LRCH1: variants seen among roughly 807,000 people sequenced by gnomAD.
LRCH1 encodes the protein leucine rich repeats and calponin homology domain containing 1, also known as leucine-rich repeat and calponin homology domain-containing protein 1.
LRCH1 carries 23 observed loss-of-function variants against 94.9 expected under a neutral mutation model. The ratio of observed to expected loss-of-function variants is 0.24; its 90% CI spans 0.17 to 0.34. LRCH1 has a LOEUF of 0.34. Among genes scored for constraint, LRCH1 ranks in the 10% least tolerant of loss-of-function variants. The pLI is 1.00. For missense variants in LRCH1, 790 were observed against 945.9 expected, an observed-to-expected ratio of 0.84 and a Z score of 2.16; for synonymous variants, 364 against 354.9, an observed-to-expected ratio of 1.03 and a Z score of -0.29.
At chr13:46,694,664 C>G (rs1431545830) in intron 8 of LRCH1, among the ~76,000 whole-genome samples, 1 of 152,144 alleles carries the variant, frequency 6.6e-6, no homozygotes, top group Non-Finnish European at 1.5e-5. Context: ...TCATAGGGAA[C>G]TGAGCCCAGA....
intron 1 of LRCH1, among the ~76,000 whole-genome samples, chr13:46,585,613 A>T (rs1021395126): frequency 3.3e-5 from 5 of 152,130 alleles, no homozygotes; most frequent in African/African-American, 1.2e-4. Flanking sequence ...TTTTGTAGAA[A>T]TTAGTGTGAT....
chr13:46,726,691 T>C (rs1401887870), intron 17 of LRCH1, among the ~76,000 whole-genome samples: 1 of 151,946 alleles, frequency 6.6e-6, no homozygotes, highest in African/African-American at 2.4e-5. Context: ...TCCCAGAGTT[T>C]CAGTGGAGAC....
At chr13:46,750,497 T>C in intron 18 of LRCH1, 1 of 1,338,236 alleles carries the variant, frequency 7.5e-7, no homozygotes, top group Non-Finnish European at 1.0e-6. Context: ...ACAATGAGAG[T>C]ACAATCATCT....
rs567321586 is a variant in LRCH1, at chr13:46,599,234, C to T, written c.307+45531C>T. 5.3e-5 allele frequency among the ~76,000 whole-genome samples: 8 copies of T among 152,228 alleles called. No homozygotes were observed. The East Asian group carries it at 1.2e-3, about 22-fold the overall frequency. ...ATGTATACACCACATTTTGTTTATC[C>T]ATTCTTCTGTCAATGAACATTTGGG... is the stretch of plus-strand genomic sequence containing the variant. On this transcript the variant is annotated intron_variant, in intron 1 of 19. Coordinates refer to ENST00000389797, the MANE Select transcript of LRCH1 (RefSeq NM_001164211.2).
intron 1 of LRCH1, among the ~76,000 whole-genome samples, chr13:46,637,340 AAG>A (rs1223846020): frequency 6.6e-6 from 1 of 152,172 alleles, no homozygotes; most frequent in Non-Finnish European, 1.5e-5. Flanking sequence ...ATCTAGCGAG[AAG>A]AGCCTATGAA....
intron 4 of LRCH1, among the ~76,000 whole-genome samples, chr13:46,684,799 A>G (rs891535221): frequency 9.9e-5 from 15 of 152,178 alleles, no homozygotes; most frequent in African/African-American, 3.6e-4. Flanking sequence ...CTAACTACTC[A>G]GGGCAATTTA....
intron 10 of LRCH1, 51 bp from the exon 11 acceptor site, chr13:46,701,070 A>G: frequency 1.8e-6 from 2 of 1,106,428 alleles, no homozygotes; most frequent in Non-Finnish European, 2.7e-6. Flanking sequence ...ATTAGATGAT[A>G]TTCATGTTGT....
downstream of LRCH1, among the ~76,000 whole-genome samples, chr13:46,749,086 TG>T (rs1358369027): frequency 6.6e-6 from 1 of 152,346 alleles, no homozygotes; most frequent in East Asian, 1.9e-4. Flanking sequence ...AAGTGTCACG[TG>T]GAAGGAAGCC....
chr13:46,570,036 TAATAAG>T (rs1208191033), intron 1 of LRCH1, among the ~76,000 whole-genome samples: 3 of 152,324 alleles, frequency 2.0e-5, no homozygotes, highest in Non-Finnish European at 4.4e-5. Flanking sequence ...CTTTTTTCTC[TAATAAG>T]AATAAGAATG....
At chr13:46,748,108 TG>T (rs891998919), downstream of LRCH1, among the ~76,000 whole-genome samples, 7 of 152,324 alleles carry the variant, frequency 4.6e-5, no homozygotes, top group African/African-American at 9.6e-5. Flanking sequence ...TAATCGGGCT[TG>T]TTTTTTTAAC....
intron 2 of LRCH1, among the ~76,000 whole-genome samples, chr13:46,654,318 G>A (rs758620483): frequency 6.6e-6 from 1 of 152,170 alleles, no homozygotes; most frequent in African/African-American, 2.4e-5. Flanking sequence ...CAACAACCAG[G>A]GTTAGCCACG....
intron 1 of LRCH1, among the ~76,000 whole-genome samples, chr13:46,576,782 G>A (rs530286287): frequency 2.6e-5 from 4 of 152,254 alleles, no homozygotes; most frequent in East Asian, 3.9e-4. Context: ...ATTTGTATTC[G>A]TTTTTCATTA....
chr13:46,717,003 G>A (rs1872355513), intron 16 of LRCH1, among the ~76,000 whole-genome samples: 1 of 151,882 alleles, frequency 6.6e-6, no homozygotes, highest in Non-Finnish European at 1.5e-5. Context: ...TAGAATGAAA[G>A]ATTTATGTGT....
At chr13:46,637,156 T>C (rs868815502) in intron 1 of LRCH1, among the ~76,000 whole-genome samples, 1 of 152,198 alleles carries the variant, frequency 6.6e-6, no homozygotes, top group Non-Finnish European at 1.5e-5. Flanking sequence ...TCTTTTTCTC[T>C]CAAACCCCCA....
At chr13:46,633,386 T>C (rs1291447361) in intron 1 of LRCH1, among the ~76,000 whole-genome samples, 1 of 152,224 alleles carries the variant, frequency 6.6e-6, no homozygotes, top group Non-Finnish European at 1.5e-5. Flanking sequence ...AATGTAGCAA[T>C]TAAATTCTGC....
intron 3 of LRCH1, among the ~76,000 whole-genome samples, chr13:46,676,811 T>C (rs2051679968): frequency 1.3e-5 from 2 of 152,184 alleles, no homozygotes. Flanking sequence ...AGGGTCTTAC[T>C]GTGTCACTCA....
intron 1 of LRCH1, among the ~76,000 whole-genome samples, chr13:46,631,737 A>T (rs1039198957): frequency 4.6e-5 from 7 of 152,108 alleles, no homozygotes; most frequent in African/African-American, 1.7e-4. Flanking sequence ...TATACATAAG[A>T]TTTATCATTT....
At chr13:46,746,636 A>G (rs1388212695), downstream of LRCH1, among the ~76,000 whole-genome samples, 1 of 152,216 alleles carries the variant, frequency 6.6e-6, no homozygotes, top group Non-Finnish European at 1.5e-5. Context: ...TTTCAAGTCA[A>G]TATAAAGGTA....
rs1252224714 is a variant in LRCH1, at chr13:46,705,258, G to A, written c.1491-10G>A. The A allele has an allele frequency of 3.1e-6, 5 of 1,595,410 alleles. No homozygotes were observed. The African/African-American group carries it at 5.5e-5, about 18-fold the overall frequency. The stretch of plus-strand genomic sequence containing the variant: ...TTTGTATCTTTTTTTTTCTTTCCTT[G>A]TTCTCACAGTGGTCAAATACAGCTG... On this transcript the variant is annotated splice_polypyrimidine_tract_variant and intron_variant, in intron 12 of 19. Coordinates refer to ENST00000389797, the MANE Select transcript of LRCH1 (RefSeq NM_001164211.2).
Sources: gnomAD v4.1 joint callset for allele counts (sites outside exome capture counted in the v4.1 genomes callset) on GRCh38, gnomAD v4.1.1 for gene constraint, MANE v1.5 for transcripts, NCBI Gene and HGNC (gene_info 2026-07-23, HGNC 2026-07-21) for gene names.